KCNQ1: variants seen among roughly 807,000 people sequenced by gnomAD.
KCNQ1 encodes the protein potassium voltage-gated channel subfamily KQT member 1.
In KCNQ1, 49 loss-of-function variants were observed where a neutral mutation model predicts 72.4. The ratio of observed to expected loss-of-function variants is 0.68; its 90% CI spans 0.54 to 0.86. KCNQ1 has a LOEUF of 0.86. KCNQ1 is among the 40% of genes least tolerant of loss of function. KCNQ1 has a pLI of 0.00. For missense variants in KCNQ1, 790 were observed against 945.1 expected, an observed-to-expected ratio of 0.84 and a Z score of 2.15; for synonymous variants, 450 against 412.6, an observed-to-expected ratio of 1.09 and a Z score of -1.10.
Position 2,471,971 on chromosome 11 carries a change from T to A in KCNQ1, c.386+26487T>A, listed in dbSNP as rs1243071097. Among the ~76,000 whole-genome samples the A allele has an allele frequency of 6.6e-6, 1 of 151,428 alleles. No individual in the cohort carries two copies. The highest frequency in any genetic ancestry group is 1.5e-5 in the Non-Finnish European group (1 of 67,790). On this transcript the variant is annotated intron_variant, in intron 1 of 15. Transcript: ENST00000155840. This position sits in a 1 kb window ranked among gnomAD's most constrained non-coding sequence, Gnocchi z 4.8. Reference sequence around the variant, plus strand: ...GTAGGTGTGTGTTCATATATATGGGTGTGTGTGCACCTATGTGTATAAGTG... The same window carrying A: ...GTAGGTGTGTGTTCATATATATGGGAGTGTGTGCACCTATGTGTATAAGTG...
In KCNQ1 at chr11:2,570,715, G is replaced by A. The variant is rs104894252; in HGVS notation, c.565G>A (p.Gly189Arg). The change falls in exon 3 of 16, where the codon GGG becomes AGG. Residue 189 changes from glycine (G) to arginine (R), a missense_variant. Physicochemically the swap from Gly to Arg is moderately radical, Grantham distance 125. This residue lies in a region of KCNQ1 where 294 missense variants were observed against 323.3 expected (regional missense o/e 0.91). Transcript: ENST00000155840. Reference sequence around the variant, plus strand: ...CCGCAGCAAGTACGTGGGCCTCTGGGGGCGGCTGCGCTTTGCCCGGAAGCC... The same window carrying A: ...CCGCAGCAAGTACGTGGGCCTCTGGAGGCGGCTGCGCTTTGCCCGGAAGCC... ...GCRSKYVGLW[G>R]RLRFARKPIS... 1 of 1,612,306 alleles carries A rather than the reference G, an allele frequency of 6.2e-7. No homozygotes were observed. Among genetic ancestry groups the A allele is most frequent in the East Asian group, 2.2e-5 (1 of 44,884 alleles).
intron 10 of KCNQ1, chr11:2,655,704 G>A: frequency 3.3e-4 from 4 of 12,252 alleles, no homozygotes; most frequent in Non-Finnish European, 4.8e-4. Flanking sequence ...TCCCCTCCAT[G>A]CTCTCCTAGA....
rs973859567 is a variant in KCNQ1 at position 2,735,756 on chromosome 11, G to C, written c.1515-33088G>C. 6.6e-6 allele frequency among the ~76,000 whole-genome samples: 1 copy of C among 152,142 alleles called. No homozygotes were observed. The highest frequency in any genetic ancestry group is 2.4e-5 in the African/African-American group (1 of 41,436). On this transcript the variant is annotated intron_variant, in intron 11 of 15. Coordinates refer to ENST00000155840, the MANE Select transcript of KCNQ1 (RefSeq NM_000218.3). This position sits in a 1 kb window ranked among gnomAD's most constrained non-coding sequence, Gnocchi z 7.7. ...GGTCCTCCTGCAGCCTCTCTCCGTGGCTTGTAGACATCACCTTCCCCGGTG... is the reference window on the plus strand; with the variant it reads ...GGTCCTCCTGCAGCCTCTCTCCGTGCCTTGTAGACATCACCTTCCCCGGTG...
Position 2,782,699 on chromosome 11 carries a change from C to T in KCNQ1, c.1794+4662C>T, listed in dbSNP as rs79541044. ...AAGTTATATATTCTAGGAATTTATA[C>T]ATTTCATTTTAGTTTCCATGTTCAT... is the stretch of plus-strand genomic sequence containing the variant. On this transcript the variant is annotated intron_variant, in intron 15 of 15. Coordinates refer to ENST00000155840, the MANE Select transcript of KCNQ1 (RefSeq NM_000218.3). The surrounding 1 kb of genome is among the most constrained non-coding windows in gnomAD (Gnocchi z 6.1). Among the ~76,000 whole-genome samples the T allele has an allele frequency of 3.2e-3, 489 of 152,274 alleles. 4 individuals carry two copies. The highest frequency in any genetic ancestry group is 5.4e-3 in the Non-Finnish European group (368 of 68,024).
Position 2,482,622 on chromosome 11 carries a change from GC to G in KCNQ1, c.386+37139del, listed in dbSNP as rs1365721827. On this transcript the variant is annotated intron_variant, in intron 1 of 15. Coordinates refer to ENST00000155840, the MANE Select transcript of KCNQ1 (RefSeq NM_000218.3). This position sits in a 1 kb window ranked among gnomAD's most constrained non-coding sequence, Gnocchi z 5.7. Reference sequence around the variant, plus strand: ...TCCTAATTTAGCTTCCTACTGTGCTGCTGGACATCACTGACTCCCCCCGCCA... The same window carrying G: ...TCCTAATTTAGCTTCCTACTGTGCTGTGGACATCACTGACTCCCCCCGCCA... 2.3e-4 allele frequency among the ~76,000 whole-genome samples: 35 copies of G among 152,164 alleles called. No homozygotes were observed. Among genetic ancestry groups the G allele is most frequent in the African/African-American group, 7.9e-4 (33 of 41,516 alleles).
intron 10 of KCNQ1, chr11:2,614,951 A>G: frequency 2.5e-6 from 1 of 398,448 alleles, no homozygotes; most frequent in Non-Finnish European, 4.4e-6. Context: ...GGATTTTGAT[A>G]AGGGTTGCAT....
At chr11:2,699,319 A>G in intron 11 of KCNQ1, 1 of 399,094 alleles carries the variant, frequency 2.5e-6, no homozygotes. Flanking sequence ...CGCGGGGCAC[A>G]CAGCTCACCT....
intron 10 of KCNQ1, chr11:2,629,888 T>G (rs1268668708): frequency 2.5e-6 from 1 of 398,408 alleles, no homozygotes. Context: ...TTTTACTTCC[T>G]TCTTTCTGAT....
Position 2,661,078 on chromosome 11 carries a change from C to T in KCNQ1, c.1394-883C>T, listed in dbSNP as rs1849948107. The T allele has an allele frequency of 2.5e-6, 1 of 398,174 alleles. No homozygotes were observed. The highest frequency in any genetic ancestry group is 1.3e-4 in the South Asian group (1 of 7,842). 24.7% of individuals were successfully genotyped at this position (398,174 alleles called of 1,614,324 possible). The stretch of plus-strand genomic sequence containing the variant: ...GACAGGAACAGAGTCACAGTGACAT[C>T]CCATGTGCATAAAAGCAACTCCCAC... On this transcript the variant is annotated intron_variant, in intron 10 of 15. Transcript: ENST00000155840. This position sits in a 1 kb window ranked among gnomAD's most constrained non-coding sequence, Gnocchi z 5.9.
intron 1 of KCNQ1, among the ~76,000 whole-genome samples, chr11:2,461,243 T>C (rs968935613): frequency 2.0e-5 from 3 of 152,244 alleles, no homozygotes; most frequent in Non-Finnish European, 2.9e-5. Context: ...TTTGAAGGCC[T>C]GTGGGGCCAT....
intron 11 of KCNQ1, among the ~76,000 whole-genome samples, chr11:2,749,337 A>G (rs1846187526): frequency 1.3e-5 from 2 of 152,084 alleles, no homozygotes; most frequent in African/African-American, 4.8e-5. Context: ...GGGGGCAAGC[A>G]CAGATGAGGA....
rs570108527 is a variant in KCNQ1, at chr11:2,745,334, C to G, written c.1515-23510C>G. ...CTTGGACCTCTGTTGCCATCTTTTC[C>G]TGAAAGGGCTGGTGGGGTCTTGCTT... is the stretch of plus-strand genomic sequence containing the variant. On this transcript the variant is annotated intron_variant, in intron 11 of 15. Transcript: ENST00000155840. The surrounding 1 kb of genome is among the most constrained non-coding windows in gnomAD (Gnocchi z 6.2). 2.6e-5 allele frequency among the ~76,000 whole-genome samples: 4 copies of G among 152,280 alleles called. No individual in the cohort carries two copies. Among genetic ancestry groups the G allele is most frequent in the African/African-American group, 7.2e-5 (3 of 41,572 alleles).
chr11:2,551,727 G>T (rs1241891290), intron 2 of KCNQ1, among the ~76,000 whole-genome samples: 1 of 152,200 alleles, frequency 6.6e-6, no homozygotes, highest in Admixed American at 6.5e-5. Flanking sequence ...ATCAATGTAC[G>T]AGCATTCTGG....
In KCNQ1 at chr11:2,621,005, T is replaced by C. The variant is rs1451855648; in HGVS notation, c.1393+32151T>C. 1.0e-5 allele frequency: 4 copies of C among 396,872 alleles called. No individual in the cohort carries two copies. The Admixed American group carries it at 1.8e-4, about 18-fold the overall frequency. 24.6% of individuals were successfully genotyped at this position (396,872 alleles called of 1,614,324 possible). A position where few individuals can be genotyped will look rare whatever the true frequency, so the allele number is the denominator to read the frequency against. ...TGTTTGTTTGTTTTTTGAGAAAGAGTCTTGCTCTGTCTCCCAGGCTGGAGT... is the reference window on the plus strand; with the variant it reads ...TGTTTGTTTGTTTTTTGAGAAAGAGCCTTGCTCTGTCTCCCAGGCTGGAGT... On this transcript the variant is annotated intron_variant, in intron 10 of 15. Coordinates refer to ENST00000155840, the MANE Select transcript of KCNQ1 (RefSeq NM_000218.3). The surrounding 1 kb of genome is among the most constrained non-coding windows in gnomAD (Gnocchi z 5.7).
rs1372360120 is a variant in KCNQ1, at chr11:2,646,365, C to G, written c.1394-15596C>G. On this transcript the variant is annotated intron_variant, in intron 10 of 15. Transcript: ENST00000155840. ...GGGATGTCTCAAAAAATTTTGTAGC[C>G]TCTTCAATTACTGTTATCAGTATTT... The G allele has an allele frequency of 1.0e-5, 4 of 398,538 alleles. No individual in the cohort carries two copies. The East Asian group carries it at 1.4e-4, about 14-fold the overall frequency. 24.7% of individuals were successfully genotyped at this position (398,538 alleles called of 1,614,324 possible).
intron 2 of KCNQ1, among the ~76,000 whole-genome samples, chr11:2,533,418 C>A (rs537259085): frequency 6.6e-6 from 1 of 152,314 alleles, no homozygotes; most frequent in African/African-American, 2.4e-5. Flanking sequence ...GGGAGGAGAG[C>A]CACTTCCTGG....
At chr11:2,666,332 G>A (rs1441010795) in intron 11 of KCNQ1, 1 of 398,640 alleles carries the variant, frequency 2.5e-6, no homozygotes, top group Non-Finnish European at 4.4e-6. Context: ...AGGTGACTGT[G>A]AGCACCTCCC....
In KCNQ1 at chr11:2,762,383, C is replaced by T. The variant is rs1457373495; in HGVS notation, c.1515-6461C>T. Among the ~76,000 whole-genome samples the T allele has an allele frequency of 5.9e-5, 9 of 152,166 alleles. No homozygotes were observed. The highest frequency in any genetic ancestry group is 3.9e-4 in the Admixed American group (6 of 15,276). ...ACTCTCCCTGGGTTAACTTTGTGAC[C>T]GGTGTGTGGTAAGGATCATGGTTGA... On this transcript the variant is annotated intron_variant, in intron 11 of 15. Coordinates refer to ENST00000155840, the MANE Select transcript of KCNQ1 (RefSeq NM_000218.3). The surrounding 1 kb of genome is among the most constrained non-coding windows in gnomAD (Gnocchi z 4.3).
chr11:2,534,186 C>G (rs1366452654), intron 2 of KCNQ1, among the ~76,000 whole-genome samples: 1 of 152,204 alleles, frequency 6.6e-6, no homozygotes. Context: ...CGTGACGGCC[C>G]TGGGCGGCCC....
Sources: gnomAD v4.1 joint callset for allele counts (sites outside exome capture counted in the v4.1 genomes callset) on GRCh38, gnomAD v4.1.1 for gene constraint, gnomAD v4.1.1 regional missense constraint, Gnocchi (gnomAD v3.1) non-coding constraint, MANE v1.5 for transcripts, NCBI Gene and HGNC (gene_info 2026-07-23, HGNC 2026-07-21) for gene names.